Variants in CSPG4 observed in about 807,000 individuals in gnomAD.
CSPG4 encodes the protein chondroitin sulfate proteoglycan 4 (melanoma-associated).
A neutral mutation model predicts 139.3 loss-of-function variants in CSPG4; 74 were observed. The observed-to-expected ratio is 0.53, with a 90% CI of 0.44 to 0.64. The LOEUF (loss-of-function observed/expected upper bound fraction) is 0.64. CSPG4 is among the 30% of genes least tolerant of loss of function. The pLI, the probability that CSPG4 is intolerant of heterozygous loss-of-function variation, is 0.00. For synonymous variants in CSPG4, 1,234 were observed against 1,394.2 expected (o/e 0.89, Z 2.56); for missense variants, 2,565 against 3,148.3 (o/e 0.81, Z 4.43).
In CSPG4 at chr15:75,674,981, C is replaced by T. The variant is rs1566970647; in HGVS notation, c.*569G>A. On this transcript the variant is annotated 3_prime_UTR_variant, in exon 10 of 10. Transcript: ENST00000308508. ...CACCCTGAATATATTATCCTATTGG[C>T]TTATGCCTTCTAGACTGGAGGCGCT... is the stretch of plus-strand genomic sequence containing the variant. The T allele has an allele frequency of 2.5e-6, 1 of 395,594 alleles. No homozygotes were observed. Among genetic ancestry groups the T allele is most frequent in the Non-Finnish European group, 4.4e-6 (1 of 224,836 alleles). 24.5% of individuals were successfully genotyped at this position (395,594 alleles called of 1,614,324 possible).
Position 75,688,038 on chromosome 15 carries a change from C to T in CSPG4, c.3027G>A (p.Val1009=). 1.2e-6 allele frequency: 2 copies of T among 1,612,050 alleles called. No homozygotes were observed. Among genetic ancestry groups the T allele is most frequent in the South Asian group, 1.1e-5 (1 of 90,964 alleles). Residue 1009 remains valine (V), a synonymous_variant, in exon 3 of 10, where the codon GTG becomes GTA. Transcript: ENST00000308508. ...AWEEVRGVFR[V]AIQPVNDHAP... ...CGTGGTCATTCACGGGCTGGATGGCCACTCGGAAGACACCCCGTACCTCCT... is the reference window on the plus strand; with the variant it reads ...CGTGGTCATTCACGGGCTGGATGGCTACTCGGAAGACACCCCGTACCTCCT...
In CSPG4 at chr15:75,688,696, T is replaced by G; in HGVS notation, c.2369A>C (p.Glu790Ala). 1 of 1,610,622 alleles carries G rather than the reference T, an allele frequency of 6.2e-7. No homozygotes were observed. Among genetic ancestry groups the G allele is most frequent in the African/African-American group, 1.3e-5 (1 of 75,000 alleles). Reference sequence around the variant, plus strand: ...CTGGGTGTTCTGAGTGTGCAGTGGCTCCAGCCGCAGCATCCACACAGTGGC... The same window carrying G: ...CTGGGTGTTCTGAGTGTGCAGTGGCGCCAGCCGCAGCATCCACACAGTGGC... ...QRATVWMLRL[E>A]PLHTQNTQQE... The change falls in exon 3 of 10, where the codon GAG becomes GCG. Residue 790 changes from glutamate (E) to alanine (A), a missense_variant. Transcript: ENST00000308508.
intron 8 of CSPG4, chr15:75,678,557 T>C: frequency 2.3e-6 from 1 of 438,792 alleles, no homozygotes; most frequent in Non-Finnish European, 4.7e-6. Flanking sequence ...TCTCACTATG[T>C]TGCCCAGGCT....
intron 2 of CSPG4, 139 bp from the exon 3 acceptor site, chr15:75,690,951 G>A: frequency 1.1e-6 from 1 of 881,204 alleles, no homozygotes; most frequent in Non-Finnish European, 1.7e-6. Flanking sequence ...AAGGCAGGCG[G>A]ATCACCTGAG....
chr15:75,682,712 GGCGGAA>G lies in CSPG4; in HGVS notation c.4672_4677del (p.Phe1558_Arg1559del), dbSNP rs1295580668. 6.2e-6 allele frequency: 10 copies of G among 1,612,964 alleles called. No homozygotes were observed. The highest frequency in any genetic ancestry group is 8.5e-6 in the Non-Finnish European group (10 of 1,180,026). ...GGGGAAGTGTGCTCGCCGTCAGAGA[GGCGGAA>G]GCGGAAGCCTCCATCCAGGGTTCCT... On this transcript the variant is annotated inframe_deletion, in exon 7 of 10. Transcript: ENST00000308508.
At chr15:75,678,142 T>C (rs1893920514) in intron 8 of CSPG4, among the ~76,000 whole-genome samples, 1 of 152,164 alleles carries the variant, frequency 6.6e-6, no homozygotes, top group South Asian at 2.1e-4. Context: ...CTCTGACCTC[T>C]GGGGAATGCA....
chr15:75,707,779 C>T lies in CSPG4; in HGVS notation c.88+4889G>A, dbSNP rs1448115750. On this transcript the variant is annotated intron_variant, in intron 1 of 9. Transcript: ENST00000308508. ...CCTCCAGGCCGGCTCAGCTGGAGAGCCCTGGGGTGCGCTGGAGTGCAGTCA... is the reference window on the plus strand; with the variant it reads ...CCTCCAGGCCGGCTCAGCTGGAGAGTCCTGGGGTGCGCTGGAGTGCAGTCA... Among the ~76,000 whole-genome samples, 4 of 152,224 alleles carry T rather than the reference C, an allele frequency of 2.6e-5. No homozygotes were observed. In the East Asian group the frequency reaches 7.7e-4, roughly 29 times the overall value.
Position 75,675,546 on chromosome 15 carries a change from G to C in CSPG4, c.*4C>G. 1.3e-6 allele frequency: 2 copies of C among 1,484,246 alleles called. No homozygotes were observed. Among genetic ancestry groups the C allele is most frequent in the Non-Finnish European group, 1.8e-6 (2 of 1,116,162 alleles). 91.9% of individuals were successfully genotyped at this position (1,484,246 alleles called of 1,614,324 possible). On this transcript the variant is annotated 3_prime_UTR_variant, in exon 10 of 10. Transcript: ENST00000308508. Reference sequence around the variant, plus strand: ...CCGATCAGCATCTGGGCCCAGGCCAGGCCTCACACCCAGTACTGGCCATTC... The same window carrying C: ...CCGATCAGCATCTGGGCCCAGGCCACGCCTCACACCCAGTACTGGCCATTC...
intron 1 of CSPG4, among the ~76,000 whole-genome samples, chr15:75,708,416 G>A (rs11072560): frequency 0.76 from 98,921 of 130,106 alleles, 37,943 homozygotes; most frequent in African/African-American, 0.84. Flanking sequence ...CCTAGCTTTG[G>A]GGGGAGAGGG....
At position 75,676,822 on chromosome 15, in the gene CSPG4, C is replaced by A; in HGVS notation, c.5697G>T (p.Val1899=). ...GPVTRFTQAD[V]DSGRLAFVAN... ...CCACGAAGGCCAGCCGCCCTGAATCCACATCGGCTTGCGTGAAGCGGGTCA... is the reference window on the plus strand; with the variant it reads ...CCACGAAGGCCAGCCGCCCTGAATCAACATCGGCTTGCGTGAAGCGGGTCA... The change falls in exon 10 of 10, where the codon GTG becomes GTT. Residue 1899 remains valine, a synonymous_variant. Coordinates refer to ENST00000308508, the MANE Select transcript of CSPG4 (RefSeq NM_001897.5). 1 of 1,547,418 alleles carries A rather than the reference C, an allele frequency of 6.5e-7. No individual in the cohort carries two copies. Among genetic ancestry groups the A allele is most frequent in the Non-Finnish European group, 8.7e-7 (1 of 1,146,386 alleles).
chr15:75,705,845 CT>C (rs1566978188), intron 1 of CSPG4, among the ~76,000 whole-genome samples: 1 of 152,018 alleles, frequency 6.6e-6, no homozygotes, highest in Non-Finnish European at 1.5e-5. Flanking sequence ...GTGTGTGTAT[CT>C]GTGTCTGTAT....
At chr15:75,695,853 C>T (rs1035565634) in intron 1 of CSPG4, among the ~76,000 whole-genome samples, 4 of 151,998 alleles carry the variant, frequency 2.6e-5, no homozygotes, top group Non-Finnish European at 5.9e-5. Flanking sequence ...ACACAGGTCC[C>T]CTTTGGGTGG....
intron 1 of CSPG4, among the ~76,000 whole-genome samples, chr15:75,700,031 C>G (rs1894280929): frequency 6.6e-6 from 1 of 152,156 alleles, no homozygotes; most frequent in Non-Finnish European, 1.5e-5. Flanking sequence ...AGCCCCCCAG[C>G]CCTAGCAGGG....
chr15:75,710,181 C>T (rs1894429663), intron 1 of CSPG4, among the ~76,000 whole-genome samples: 1 of 152,220 alleles, frequency 6.6e-6, no homozygotes, highest in Admixed American at 6.5e-5. Context: ...CAACCTGGGT[C>T]CCACTTCAAC....
intron 1 of CSPG4, among the ~76,000 whole-genome samples, chr15:75,694,513 G>A (rs573282823): frequency 1.3e-5 from 2 of 152,292 alleles, no homozygotes; most frequent in South Asian, 2.1e-4. Flanking sequence ...GGGATAATCC[G>A]GCACCAGCCC....
intron 8 of CSPG4, among the ~76,000 whole-genome samples, chr15:75,681,900 G>A (rs991994957): frequency 7.2e-5 from 11 of 152,200 alleles, no homozygotes; most frequent in Non-Finnish European, 1.3e-4. Flanking sequence ...AGGCCCAGCC[G>A]CTGCTTCACG....
At chr15:75,707,094 A>G (rs1894383825) in intron 1 of CSPG4, among the ~76,000 whole-genome samples, 1 of 151,632 alleles carries the variant, frequency 6.6e-6, no homozygotes, top group Non-Finnish European at 1.5e-5. Flanking sequence ...AGTAGCTGGG[A>G]TTACAGGTGT....
chr15:75,677,226 C>T lies in CSPG4; in HGVS notation c.5293G>A (p.Glu1765Lys), dbSNP rs776123532. ...PSRGQLLVSE[E>K]PLHAGQPHFL... ...TGGGGCTGCCCAGCATGGAGGGGCT[C>T]CTCGGACACCAACAGCTGGCCCCGG... The change falls in exon 10 of 10, where the codon GAG (glutamate) becomes AAG (lysine). Residue 1765 changes from glutamate to lysine, a missense_variant. By Grantham distance (56) the Glu-to-Lys change is moderately conservative. Around this residue, in one of 5 missense-constraint regions of CSPG4, gnomAD observed 2,316 missense variants for 2,818.2 expected, o/e 0.82. Coordinates refer to ENST00000308508, the MANE Select transcript of CSPG4 (RefSeq NM_001897.5). 2.7e-6 allele frequency: 4 copies of T among 1,478,660 alleles called. No homozygotes were observed. The African/African-American group carries it at 5.6e-5, about 21-fold the overall frequency. 91.6% of individuals were successfully genotyped at this position (1,478,660 alleles called of 1,614,324 possible). A position where few individuals can be genotyped will look rare whatever the true frequency, so the allele number is the denominator to read the frequency against.
chr15:75,702,667 G>C (rs917069794), intron 1 of CSPG4, among the ~76,000 whole-genome samples: 20 of 152,366 alleles, frequency 1.3e-4, no homozygotes, highest in Middle Eastern at 3.4e-3. Flanking sequence ...CTCAGAGGCA[G>C]GGGACTGGAC....
Sources: allele counts gnomAD v4.1 joint callset (sites outside exome capture counted in the v4.1 genomes callset), GRCh38; gene constraint gnomAD v4.1.1; regional missense constraint gnomAD v4.1.1; transcripts MANE v1.5; gene names NCBI Gene and HGNC (gene_info 2026-07-23, HGNC 2026-07-21).